Variants in KPNA3 observed in about 807,000 individuals in gnomAD.
KPNA3 encodes the protein karyopherin subunit alpha 3.
KPNA3 carries 13 observed loss-of-function variants against 73.8 expected under a neutral mutation model. The observed-to-expected ratio is 0.18, with a 90% CI of 0.11 to 0.28. The LOEUF (loss-of-function observed/expected upper bound fraction) is 0.28, where lower values mean the gene tolerates loss of function less well. Among genes scored for constraint, KPNA3 ranks in the 10% least tolerant of loss-of-function variants. The pLI, the probability that KPNA3 is intolerant of heterozygous loss-of-function variation, is 1.00. For synonymous variants in KPNA3, 186 were observed against 206.9 expected (o/e 0.90, Z 0.87); for missense variants, 360 against 618.1 (o/e 0.58, Z 4.43).
intron 2 of KPNA3, among the ~76,000 whole-genome samples, chr13:49,742,172 G>C (rs1036898041): frequency 6.6e-6 from 1 of 152,054 alleles, no homozygotes. Flanking sequence ...GCATGTTCTT[G>C]GCACCTTTGT....
intron 1 of KPNA3, among the ~76,000 whole-genome samples, chr13:49,758,499 T>G (rs1030733798): frequency 1.3e-5 from 2 of 152,176 alleles, no homozygotes; most frequent in Admixed American, 6.5e-5. Flanking sequence ...GCTGCTGGTG[T>G]TGTTATTCTG....
At position 49,762,542 on chromosome 13, in the gene KPNA3, A is replaced by G. The variant is rs537493318; in HGVS notation, c.70-15549T>C. ...CTAAGAAAGATTCTTCTGCCTTGGG[A>G]TGCTGTTGATCTATGACCTTGCCCC... On this transcript the variant is annotated intron_variant, in intron 1 of 16. Coordinates refer to ENST00000261667, the MANE Select transcript of KPNA3 (RefSeq NM_002267.4). 9.3e-3 allele frequency among the ~76,000 whole-genome samples: 1,417 copies of G among 152,304 alleles called. 18 individuals carry two copies. Among genetic ancestry groups the G allele is most frequent in the African/African-American group, 0.032 (1,329 of 41,560 alleles).
intron 2 of KPNA3, among the ~76,000 whole-genome samples, chr13:49,746,476 A>G (rs563032776): frequency 5.6e-4 from 86 of 152,332 alleles, no homozygotes; most frequent in African/African-American, 2.0e-3. Context: ...CGCTGTCTCA[A>G]AAAAAGAAAG....
At chr13:49,746,404 G>C (rs1954617933) in intron 2 of KPNA3, among the ~76,000 whole-genome samples, 1 of 152,134 alleles carries the variant, frequency 6.6e-6, no homozygotes, top group Non-Finnish European at 1.5e-5. Context: ...CTTGAGCCCG[G>C]GAGGTCAAGG....
intron 2 of KPNA3, among the ~76,000 whole-genome samples, chr13:49,743,723 T>C (rs1013934629): frequency 1.3e-4 from 20 of 152,192 alleles, no homozygotes; most frequent in African/African-American, 4.8e-4. Context: ...AAATATAATA[T>C]ATAAATTAGT....
chr13:49,702,447 T>C lies in KPNA3; in HGVS notation c.1406A>G (p.Glu469Gly). The C allele has an allele frequency of 1.3e-6, 2 of 1,557,894 alleles. No individual in the cohort carries two copies. Among genetic ancestry groups the C allele is most frequent in the Non-Finnish European group, 1.8e-6 (2 of 1,136,026 alleles). Reference protein sequence around the residue: ...LEKIEVLQQHENEDIYKLAFE... With the variant: ...LEKIEVLQQHGNEDIYKLAFE... Reference sequence around the variant, plus strand: ...TGCTAATTTATATATGTCTTCATTTTCATGTTGCTGTAAAACTTCAATTTT... The same window carrying C: ...TGCTAATTTATATATGTCTTCATTTCCATGTTGCTGTAAAACTTCAATTTT... Residue 469 changes from glutamate to glycine, a missense_variant, in exon 16 of 17, where the codon GAA becomes GGA. This residue lies in a region of KPNA3 where 287 missense variants were observed against 549.1 expected (regional missense o/e 0.52). Transcript: ENST00000261667.
intron 9 of KPNA3, among the ~76,000 whole-genome samples, chr13:49,721,335 CAA>C (rs1446096453): frequency 2.6e-5 from 4 of 152,176 alleles, no homozygotes; most frequent in African/African-American, 9.6e-5. Flanking sequence ...TTTAAACCAA[CAA>C]TGCAATACAG....
rs1428869155 is a variant in KPNA3 at position 49,706,162 on chromosome 13, A to C, written c.1145T>G (p.Phe382Cys). The change falls in exon 14 of 17, where the codon TTT becomes TGT. Residue 382 changes from phenylalanine to cysteine, a missense_variant. Around this residue, in one of 3 missense-constraint regions of KPNA3, gnomAD observed 287 missense variants for 549.1 expected, o/e 0.52. Transcript: ENST00000261667. ...CCAAGCAGCTTCTTTTTGTGTTCCA[A>C]AGTCCCCCTGAAGGTTAAAAATGAG... ...MIIHQLAKGD[F>C]GTQKEAAWAI... 6.2e-7 allele frequency: 1 copy of C among 1,613,762 alleles called. No homozygotes were observed. The highest frequency in any genetic ancestry group is 1.7e-5 in the Admixed American group (1 of 59,962).
intron 2 of KPNA3, 150 bp from the exon 3 acceptor site, chr13:49,733,196 A>G: frequency 3.3e-6 from 2 of 603,146 alleles, no homozygotes; most frequent in Non-Finnish European, 2.9e-6. Context: ...CTGCAAACCA[A>G]TGACAAGGGT....
At chr13:49,724,719 C>A (rs1954393836) in intron 7 of KPNA3, among the ~76,000 whole-genome samples, 1 of 152,176 alleles carries the variant, frequency 6.6e-6, no homozygotes, top group South Asian at 2.1e-4. Flanking sequence ...GCCTCTGTCT[C>A]CTGAGTAGGT....
intron 10 of KPNA3, among the ~76,000 whole-genome samples, chr13:49,715,662 A>G (rs1220904372): frequency 6.6e-6 from 1 of 152,250 alleles, no homozygotes; most frequent in Non-Finnish European, 1.5e-5. Context: ...AAAGGCAACC[A>G]CTAGAACAAG....
intron 1 of KPNA3, among the ~76,000 whole-genome samples, chr13:49,756,261 T>C (rs987394934): frequency 6.6e-6 from 1 of 151,518 alleles, no homozygotes; most frequent in African/African-American, 2.4e-5. Flanking sequence ...GCGACAGAGA[T>C]AGACCCTGCC....
At chr13:49,754,426 TGA>T (rs778497304) in intron 1 of KPNA3, among the ~76,000 whole-genome samples, 2 of 152,026 alleles carry the variant, frequency 1.3e-5, no homozygotes, top group Non-Finnish European at 2.9e-5. Context: ...AAAGCAGTGC[TGA>T]GAGAGAAATT....
At chr13:49,786,576 T>C (rs547899186) in intron 1 of KPNA3, among the ~76,000 whole-genome samples, 7 of 151,788 alleles carry the variant, frequency 4.6e-5, no homozygotes, top group Non-Finnish European at 8.8e-5. Context: ...TATGAAGGAG[T>C]CTCACTGAAG....
At chr13:49,730,361 C>T (rs1005529719) in intron 6 of KPNA3, among the ~76,000 whole-genome samples, 20 of 151,276 alleles carry the variant, frequency 1.3e-4, no homozygotes, top group South Asian at 2.1e-4. Context: ...GGTGAAACCC[C>T]ATCTATACTA....
At position 49,710,942 on chromosome 13, in the gene KPNA3, T is replaced by A. The variant is rs1430700349; in HGVS notation, c.852A>T (p.Gly284=). Reference sequence around the variant, plus strand: ...GAAGGGGCACAAGAAAGGGCACAACTCCTGAATCAATAACCATCTGTATCT... The same window carrying A: ...GAAGGGGCACAAGAAAGGGCACAACACCTGAATCAATAACCATCTGTATCT... ...NEQIQMVIDS[G]VVPFLVPLLS... is the part of the protein sequence containing the mutation. The change falls in exon 11 of 17, where the codon GGA becomes GGT. Residue 284 remains glycine, a synonymous_variant. Coordinates refer to ENST00000261667, the MANE Select transcript of KPNA3 (RefSeq NM_002267.4). 3.1e-6 allele frequency: 5 copies of A among 1,613,780 alleles called. No individual in the cohort carries two copies. In the Admixed American group the frequency reaches 6.7e-5, roughly 22 times the overall value.
chr13:49,788,057 C>T (rs1180196614), intron 1 of KPNA3, among the ~76,000 whole-genome samples: 1 of 152,162 alleles, frequency 6.6e-6, no homozygotes, highest in Non-Finnish European at 1.5e-5. Context: ...AGGCCACTTA[C>T]TTAAGGGTTG....
chr13:49,778,170 G>T (rs762320213), intron 1 of KPNA3, among the ~76,000 whole-genome samples: 2 of 152,200 alleles, frequency 1.3e-5, no homozygotes, highest in Non-Finnish European at 2.9e-5. Context: ...ATCAAGTTTA[G>T]TCTAAAGCAG....
At chr13:49,740,889 G>A (rs1320130929) in intron 2 of KPNA3, among the ~76,000 whole-genome samples, 1 of 152,064 alleles carries the variant, frequency 6.6e-6, no homozygotes, top group Non-Finnish European at 1.5e-5. Context: ...GCATAAGTGA[G>A]AGCATGTGAT....
Sources: allele counts gnomAD v4.1 joint callset (sites outside exome capture counted in the v4.1 genomes callset), GRCh38; gene constraint gnomAD v4.1.1; regional missense constraint gnomAD v4.1.1; transcripts MANE v1.5; gene names NCBI Gene and HGNC (gene_info 2026-07-23, HGNC 2026-07-21).